Variants in ASIC2 observed in about 807,000 individuals in gnomAD.
ASIC2 encodes acid-sensing ion channel 2.
ASIC2 carries 25 observed loss-of-function variants against 57.3 expected under a neutral mutation model. The observed-to-expected ratio is 0.44, with a 90% CI of 0.32 to 0.61. The LOEUF is 0.61. ASIC2 is among the 20% of genes least tolerant of loss of function. ASIC2 has a pLI of 0.06. For synonymous variants in ASIC2, 319 were observed against 307.5 expected (o/e 1.04, Z -0.39); for missense variants, 641 against 738.1 (o/e 0.87, Z 1.52).
intron 3 of ASIC2, among the ~76,000 whole-genome samples, chr17:33,041,528 C>T (rs557036085): frequency 1.3e-4 from 20 of 152,322 alleles, no homozygotes; most frequent in African/African-American, 4.8e-4. Flanking sequence ...GAATGAATTT[C>T]CCTATCCTAC....
chr17:33,829,827 T>A (rs1913050625), intron 1 of ASIC2, among the ~76,000 whole-genome samples: 1 of 152,142 alleles, frequency 6.6e-6, no homozygotes, highest in Non-Finnish European at 1.5e-5. Flanking sequence ...CCTCCTAAAG[T>A]GCTGGGATTA....
At chr17:33,496,636 T>TA (rs1913943530) in intron 1 of ASIC2, among the ~76,000 whole-genome samples, 1 of 110,080 alleles carries the variant, frequency 9.1e-6, no homozygotes, top group Non-Finnish European at 1.8e-5. Flanking sequence ...TTTTTTTTTT[T>TA]AGATGGGGTC....
intron 3 of ASIC2, among the ~76,000 whole-genome samples, chr17:33,046,156 C>T (rs1480040621): frequency 6.6e-6 from 1 of 152,228 alleles, no homozygotes; most frequent in Non-Finnish European, 1.5e-5. Context: ...ATAGATTACA[C>T]ATATGACATT....
At chr17:33,235,425 G>T (rs999210180) in intron 1 of ASIC2, among the ~76,000 whole-genome samples, 2 of 152,164 alleles carry the variant, frequency 1.3e-5, no homozygotes, top group Non-Finnish European at 2.9e-5. Flanking sequence ...GCTGGGAATT[G>T]GTGCCTTCCA....
intron 1 of ASIC2, among the ~76,000 whole-genome samples, chr17:33,630,394 GCA>G (rs1906126206): frequency 6.6e-6 from 1 of 152,116 alleles, no homozygotes; most frequent in African/African-American, 2.4e-5. Flanking sequence ...GAACCAGTCT[GCA>G]CATGCCAACT....
At chr17:33,729,479 C>G (rs1043253099) in intron 1 of ASIC2, among the ~76,000 whole-genome samples, 1 of 152,106 alleles carries the variant, frequency 6.6e-6, no homozygotes, top group African/African-American at 2.4e-5. Context: ...ATCATTACCC[C>G]GTGTTGGATT....
intron 1 of ASIC2, among the ~76,000 whole-genome samples, chr17:33,134,464 C>T (rs960998557): frequency 2.6e-5 from 4 of 152,188 alleles, no homozygotes; most frequent in African/African-American, 9.7e-5. Flanking sequence ...GACACTGTCC[C>T]GGGCAAACTG....
At chr17:33,204,127 C>T (rs1433370848) in intron 1 of ASIC2, among the ~76,000 whole-genome samples, 1 of 152,206 alleles carries the variant, frequency 6.6e-6, no homozygotes, top group Non-Finnish European at 1.5e-5. Flanking sequence ...TTCAGAGAGA[C>T]CTGCACTCAG....
chr17:33,169,288 A>C (rs1342821018), intron 1 of ASIC2, among the ~76,000 whole-genome samples: 2 of 152,108 alleles, frequency 1.3e-5, no homozygotes, highest in Non-Finnish European at 2.9e-5. Flanking sequence ...TTCCTGCCCC[A>C]CTCAGGGGAG....
chr17:33,398,586 G>T (rs1216423900), intron 1 of ASIC2, among the ~76,000 whole-genome samples: 1 of 151,900 alleles, frequency 6.6e-6, no homozygotes, highest in Non-Finnish European at 1.5e-5. Flanking sequence ...GATGGTGGTG[G>T]TGATGATGAT....
chr17:34,153,900 C>T (rs533165509), intron 1 of ASIC2, among the ~76,000 whole-genome samples: 7 of 152,158 alleles, frequency 4.6e-5, no homozygotes, highest in East Asian at 1.9e-4. Flanking sequence ...AAAGCTCAGG[C>T]GAACTTTAAG....
chr17:33,146,513 G>T (rs1407883455), intron 1 of ASIC2, among the ~76,000 whole-genome samples: 1 of 152,198 alleles, frequency 6.6e-6, no homozygotes, highest in Non-Finnish European at 1.5e-5. Flanking sequence ...TAGGAAACAG[G>T]TTGGCTCTGG....
chr17:33,300,257 G>T (rs1273944182), intron 1 of ASIC2, among the ~76,000 whole-genome samples: 1 of 151,908 alleles, frequency 6.6e-6, no homozygotes, highest in Non-Finnish European at 1.5e-5. Context: ...ACAAATGGTT[G>T]CAGTCAGTGA....
intron 1 of ASIC2, among the ~76,000 whole-genome samples, chr17:34,023,635 C>T (rs1907267566): frequency 6.6e-6 from 1 of 152,188 alleles, no homozygotes; most frequent in Non-Finnish European, 1.5e-5. Flanking sequence ...CTTCCACCTT[C>T]CTCACCATGT....
At chr17:33,850,951 C>T (rs1175810756) in intron 1 of ASIC2, among the ~76,000 whole-genome samples, 1 of 152,016 alleles carries the variant, frequency 6.6e-6, no homozygotes, top group Non-Finnish European at 1.5e-5. Flanking sequence ...ACACCCAACA[C>T]CAATCAGAGC....
intron 3 of ASIC2, among the ~76,000 whole-genome samples, chr17:33,067,855 G>T (rs2092050351): frequency 6.6e-6 from 1 of 152,212 alleles, no homozygotes; most frequent in East Asian, 1.9e-4. Flanking sequence ...CTTTGCCTTG[G>T]CTGTTGGGAA....
intron 1 of ASIC2, among the ~76,000 whole-genome samples, chr17:33,593,498 G>A (rs1904889426): frequency 6.6e-6 from 1 of 152,196 alleles, no homozygotes; most frequent in Non-Finnish European, 1.5e-5. Context: ...AGTGGCTAAG[G>A]GTGGGTTTCT....
chr17:34,102,969 AGACTTTTGCTT>A (rs1233197234), intron 1 of ASIC2, among the ~76,000 whole-genome samples: 1 of 152,210 alleles, frequency 6.6e-6, no homozygotes, highest in Non-Finnish European at 1.5e-5. Context: ...TCATTGTTCA[AGACTTTTGCTT>A]ACTTTTATTA....
At chr17:33,870,238 T>TG (rs1914363807) in intron 1 of ASIC2, among the ~76,000 whole-genome samples, 1 of 137,614 alleles carries the variant, frequency 7.3e-6, no homozygotes, top group Non-Finnish European at 1.6e-5. Flanking sequence ...TTTTTTTTTT[T>TG]TTTTTTTTTT....
Sources: gnomAD v4.1 joint callset for allele counts (sites outside exome capture counted in the v4.1 genomes callset) on GRCh38, gnomAD v4.1.1 for gene constraint, MANE v1.5 for transcripts, NCBI Gene and HGNC (gene_info 2026-07-23, HGNC 2026-07-21) for gene names.